PAG1: variants seen among roughly 807,000 people sequenced by gnomAD.
The protein encoded by PAG1 is phosphoprotein associated with glycosphingolipid-enriched microdomains 1.
In PAG1, 23 loss-of-function variants were observed where a neutral mutation model predicts 31.7. That is an observed-to-expected ratio of 0.73 (90% CI 0.52 to 1.03). PAG1 has a LOEUF of 1.03. Among genes scored for constraint, PAG1 ranks in the 50% least tolerant of loss-of-function variants. The probability of loss-of-function intolerance (pLI) is 0.00; values close to 1 mark genes in which losing one functional copy is unlikely to be tolerated. For missense variants in PAG1, 473 were observed against 540.7 expected, an observed-to-expected ratio of 0.87 and a Z score of 1.24; for synonymous variants, 214 against 210.3, an observed-to-expected ratio of 1.02 and a Z score of -0.15.
At chr8:81,033,886 G>C (rs1808420900) in intron 2 of PAG1, among the ~76,000 whole-genome samples, 1 of 152,246 alleles carries the variant, frequency 6.6e-6, no homozygotes, top group Non-Finnish European at 1.5e-5. Flanking sequence ...CTAAGGAAAG[G>C]AGTGTTTTCT....
chr8:81,081,790 G>A (rs1479755726), intron 1 of PAG1, among the ~76,000 whole-genome samples: 2 of 152,166 alleles, frequency 1.3e-5, no homozygotes, highest in Admixed American at 6.5e-5. Flanking sequence ...AGTATTCCAC[G>A]ATATGGATGT....
intron 3 of PAG1, among the ~76,000 whole-genome samples, chr8:81,019,940 G>A (rs570488776): frequency 1.1e-4 from 17 of 152,312 alleles, no homozygotes; most frequent in African/African-American, 3.8e-4. Context: ...CCATAGGGGT[G>A]GAGCCGCCCA....
chr8:81,052,046 C>T (rs147656143), intron 2 of PAG1, among the ~76,000 whole-genome samples: 8,852 of 150,264 alleles, frequency 0.059, 272 homozygotes, highest in South Asian at 0.12. Context: ...AGGAGAATGG[C>T]GTGAACCCGG....
intron 1 of PAG1, among the ~76,000 whole-genome samples, chr8:81,100,279 T>A (rs1809588554): frequency 6.6e-6 from 1 of 152,218 alleles, no homozygotes. Context: ...CAGAGCCTAG[T>A]AGGTGTTCAA....
intron 1 of PAG1, among the ~76,000 whole-genome samples, chr8:81,079,394 T>C (rs1809229766): frequency 6.6e-6 from 1 of 152,170 alleles, no homozygotes; most frequent in Admixed American, 6.5e-5. Context: ...CCTCAGACAA[T>C]ATTGAATTAC....
At chr8:81,101,127 C>T (rs1450234403) in intron 1 of PAG1, among the ~76,000 whole-genome samples, 1 of 152,196 alleles carries the variant, frequency 6.6e-6, no homozygotes, top group Non-Finnish European at 1.5e-5. Flanking sequence ...AAGTTTAGTA[C>T]ATCAGTGTTA....
intron 2 of PAG1, among the ~76,000 whole-genome samples, chr8:81,059,286 T>TC (rs1261897224): frequency 6.6e-6 from 1 of 151,970 alleles, no homozygotes; most frequent in East Asian, 1.9e-4. Context: ...TTTTTTTTTT[T>TC]TCTTTGAATG....
intron 3 of PAG1, among the ~76,000 whole-genome samples, chr8:81,028,539 T>C (rs949890812): frequency 1.3e-5 from 2 of 152,232 alleles, no homozygotes; most frequent in Non-Finnish European, 2.9e-5. Context: ...AGTACTTGGA[T>C]AGGCATACTG....
At position 80,993,291 on chromosome 8, in the gene PAG1, A is replaced by T. The variant is rs1807597607; in HGVS notation, c.-64T>A. 6.6e-7 allele frequency: 1 copy of T among 1,526,258 alleles called. No individual in the cohort carries two copies. The highest frequency in any genetic ancestry group is 1.8e-5 in the Admixed American group (1 of 56,298). 94.5% of individuals were successfully genotyped at this position (1,526,258 alleles called of 1,614,324 possible). ...CAGTCCTTCAAAGGTGGTGACATGG[A>T]GGCAGAGAGCTGTGTCCTGCAAAGA... On this transcript the variant is annotated 5_prime_UTR_variant, in exon 4 of 9. Coordinates refer to ENST00000220597, the MANE Select transcript of PAG1 (RefSeq NM_018440.4).
At chr8:81,020,099 G>A (rs751372755) in intron 3 of PAG1, among the ~76,000 whole-genome samples, 1 of 152,108 alleles carries the variant, frequency 6.6e-6, no homozygotes, top group Non-Finnish European at 1.5e-5. Flanking sequence ...TCTCCCATCT[G>A]GAATGGATGT....
intron 2 of PAG1, among the ~76,000 whole-genome samples, chr8:81,056,478 C>T (rs1006504347): frequency 1.3e-5 from 2 of 152,068 alleles, no homozygotes; most frequent in African/African-American, 4.8e-5. Flanking sequence ...GAAAGGATTC[C>T]CTATTTAATA....
intron 3 of PAG1, among the ~76,000 whole-genome samples, chr8:81,020,985 A>C (rs1808157759): frequency 6.6e-6 from 1 of 152,230 alleles, no homozygotes; most frequent in Non-Finnish European, 1.5e-5. Flanking sequence ...TAAATAAGTC[A>C]AACAATGCCC....
chr8:81,015,594 C>T (rs149513956), intron 3 of PAG1, among the ~76,000 whole-genome samples: 51 of 152,290 alleles, frequency 3.3e-4, no homozygotes, highest in African/African-American at 1.2e-3. Context: ...AAGAATTTGG[C>T]TTAAAATCTG....
At chr8:81,049,815 G>T (rs1032953356) in intron 2 of PAG1, among the ~76,000 whole-genome samples, 1 of 152,172 alleles carries the variant, frequency 6.6e-6, no homozygotes, top group Non-Finnish European at 1.5e-5. Context: ...AGACTGAGAG[G>T]TTCAGTGATA....
chr8:81,059,298 T>G (rs1159522422), intron 2 of PAG1, among the ~76,000 whole-genome samples: 1 of 151,642 alleles, frequency 6.6e-6, no homozygotes, highest in Non-Finnish European at 1.5e-5. Context: ...CTTTGAATGC[T>G]TTGAATTAGA....
At chr8:81,103,130 A>C (rs1809634549) in intron 1 of PAG1, among the ~76,000 whole-genome samples, 2 of 148,346 alleles carry the variant, frequency 1.3e-5, no homozygotes, top group South Asian at 4.4e-4. Context: ...GAGATAATGA[A>C]TGCAAAACAT....
At chr8:81,017,885 C>T (rs1408074278) in intron 3 of PAG1, among the ~76,000 whole-genome samples, 1 of 152,216 alleles carries the variant, frequency 6.6e-6, no homozygotes, top group Non-Finnish European at 1.5e-5. Context: ...CCAAAGTGGA[C>T]AGCCACTACT....
intron 7 of PAG1, among the ~76,000 whole-genome samples, chr8:80,982,822 C>G (rs1039420903): frequency 3.3e-5 from 5 of 152,206 alleles, no homozygotes; most frequent in African/African-American, 1.2e-4. Flanking sequence ...AGCGTAGGAT[C>G]CATCCGCAAA....
chr8:81,071,212 G>A (rs1043178442), intron 1 of PAG1, among the ~76,000 whole-genome samples: 2 of 152,220 alleles, frequency 1.3e-5, no homozygotes, highest in Non-Finnish European at 2.9e-5. Flanking sequence ...AGACTCCACA[G>A]TGGCCAGCAA....
Sources: gnomAD v4.1 joint callset for allele counts (sites outside exome capture counted in the v4.1 genomes callset) on GRCh38, gnomAD v4.1.1 for gene constraint, MANE v1.5 for transcripts, NCBI Gene and HGNC (gene_info 2026-07-23, HGNC 2026-07-21) for gene names.